ITPRIP: variants seen among roughly 807,000 people sequenced by gnomAD.
The protein encoded by ITPRIP is inositol 1,4,5-trisphosphate receptor interacting protein.
In ITPRIP, 32 loss-of-function variants were observed where a neutral mutation model predicts 35.8. The ratio of observed to expected loss-of-function variants is 0.89; its 90% confidence interval spans 0.68 to 1.20. ITPRIP has a LOEUF of 1.20. Ranked by LOEUF, ITPRIP falls within the 50% of genes most tolerant of loss-of-function variation. The pLI, the probability that ITPRIP is intolerant of heterozygous loss-of-function variation, is 0.00. For missense variants in ITPRIP, 653 were observed against 735.6 expected, an observed-to-expected ratio of 0.89 and a Z score of 1.30; for synonymous variants, 358 against 324.0, an observed-to-expected ratio of 1.11 and a Z score of -1.13.
intron 1 of ITPRIP, among the ~76,000 whole-genome samples, chr10:104,317,475 G>A (rs937471173): frequency 2.0e-5 from 3 of 152,130 alleles, no homozygotes; most frequent in Non-Finnish European, 4.4e-5. Flanking sequence ...AAATCTGAGA[G>A]GCACTGTCTT....
intron 1 of ITPRIP, among the ~76,000 whole-genome samples, chr10:104,323,144 C>T (rs961154071): frequency 6.6e-6 from 1 of 152,140 alleles, no homozygotes; most frequent in Non-Finnish European, 1.5e-5. Flanking sequence ...GGTATCATCC[C>T]GTGGACCCTC....
At position 104,312,720 on chromosome 10, in the gene ITPRIP, G is replaced by A; in HGVS notation, c.*1688C>T. The A allele has an allele frequency of 6.1e-6, 6 of 985,338 alleles. No homozygotes were observed. Among genetic ancestry groups the A allele is most frequent in the Non-Finnish European group, 7.2e-6 (6 of 829,918 alleles). 61.0% of individuals were successfully genotyped at this position (985,338 alleles called of 1,614,324 possible). On this transcript the variant is annotated 3_prime_UTR_variant, in exon 2 of 2. Transcript: ENST00000337478. ...CAGGAATTAACCCTGGTGGGCAAAG[G>A]GTCCATCTTCTCAAGCTTTCTGAGG... is the stretch of plus-strand genomic sequence containing the variant.
intron 1 of ITPRIP, chr10:104,329,036 C>A (rs915361148): frequency 7.4e-6 from 1 of 134,588 alleles, no homozygotes; most frequent in African/African-American, 3.4e-5. Context: ...GGGCCTCCTG[C>A]ACGCATGCAC....
chr10:104,324,339 G>C (rs1037468700), intron 1 of ITPRIP, among the ~76,000 whole-genome samples: 1 of 152,212 alleles, frequency 6.6e-6, no homozygotes, highest in African/African-American at 2.4e-5. Context: ...GGAATATAGA[G>C]GGGCAGGTGA....
At position 104,314,960 on chromosome 10, in the gene ITPRIP, G is replaced by A. The variant is rs780904457; in HGVS notation, c.1092C>T (p.His364=). 10 of 1,613,850 alleles carry A rather than the reference G, an allele frequency of 6.2e-6. No homozygotes were observed. Among genetic ancestry groups the A allele is most frequent in the Non-Finnish European group, 6.8e-6 (8 of 1,180,024 alleles). ...TGCCCTCAGAGGGCTCCCTGGGAAG[G>A]TGGGAGACAAAGTACAGGTCCGAGT... The part of the protein sequence containing the change: ...CDDSDLYFVS[H]LPREPSEGTP... The change falls in exon 2 of 2, where the codon CAC becomes CAT. Residue 364 remains histidine, a synonymous_variant. Coordinates refer to ENST00000337478, the MANE Select transcript of ITPRIP (RefSeq NM_001272013.2).
At chr10:104,336,493 TTGGG>T (rs1310480244) in intron 1 of ITPRIP, among the ~76,000 whole-genome samples, 55 of 108,118 alleles carry the variant, frequency 5.1e-4, no homozygotes, top group African/African-American at 2.3e-3. Flanking sequence ...TTATTTTTTT[TTGGG>T]GGGGGGGGGG....
In ITPRIP at chr10:104,313,587, G is replaced by C. The variant is rs1000486442; in HGVS notation, c.*821C>G. On this transcript the variant is annotated 3_prime_UTR_variant, in exon 2 of 2. Coordinates refer to ENST00000337478, the MANE Select transcript of ITPRIP (RefSeq NM_001272013.2). ...ATGATAGTCAGAAAGACCAGCTTTG[G>C]AGAGAATAAAGAGAGGTGGGGGGCT... 1.3e-5 allele frequency: 13 copies of C among 985,358 alleles called. No homozygotes were observed. In the South Asian group the frequency reaches 4.2e-4, roughly 32 times the overall value. 61.0% of individuals were successfully genotyped at this position (985,358 alleles called of 1,614,324 possible).
At chr10:104,316,462 A>G (rs2013694111) in intron 1 of ITPRIP, among the ~76,000 whole-genome samples, 1 of 152,176 alleles carries the variant, frequency 6.6e-6, no homozygotes, top group Non-Finnish European at 1.5e-5. Context: ...TGGGATGAGC[A>G]TTTGATCCAA....
rs975281509 is a variant in ITPRIP, at chr10:104,310,391, C to G, written c.*4017G>C. On this transcript the variant is annotated 3_prime_UTR_variant, in exon 2 of 2. Transcript: ENST00000337478. ...AAAACCCGCCAATGGCCCACCTCTG[C>G]TTGTTGTGAGGTCCAAATTTACCTT... The G allele has an allele frequency of 3.9e-5, 6 of 152,136 alleles. No individual in the cohort carries two copies. Among genetic ancestry groups the G allele is most frequent in the Admixed American group, 3.9e-4 (6 of 15,262 alleles). 9.4% of individuals were successfully genotyped at this position (152,136 alleles called of 1,614,324 possible).
intron 1 of ITPRIP, among the ~76,000 whole-genome samples, chr10:104,335,083 C>T (rs2014212157): frequency 6.6e-6 from 1 of 152,196 alleles, no homozygotes; most frequent in African/African-American, 2.4e-5. Flanking sequence ...GTAAACACCA[C>T]CCTCTGAGCA....
chr10:104,321,967 C>T (rs1210465589), intron 1 of ITPRIP, among the ~76,000 whole-genome samples: 1 of 152,114 alleles, frequency 6.6e-6, no homozygotes, highest in African/African-American at 2.4e-5. Flanking sequence ...ATGAGTATGG[C>T]CTGACCCCTG....
intron 1 of ITPRIP, among the ~76,000 whole-genome samples, chr10:104,331,112 C>T (rs2014138042): frequency 1.3e-5 from 2 of 152,116 alleles, no homozygotes; most frequent in Admixed American, 6.5e-5. Context: ...AATGGAAAGC[C>T]TTCTCTGCAA....
intron 1 of ITPRIP, among the ~76,000 whole-genome samples, chr10:104,332,192 A>G (rs1237400209): frequency 6.6e-6 from 1 of 152,122 alleles, no homozygotes; most frequent in Non-Finnish European, 1.5e-5. Flanking sequence ...AACCCCTAGA[A>G]TGGGGCTTTG....
intron 1 of ITPRIP, among the ~76,000 whole-genome samples, chr10:104,322,098 G>C (rs1048046874): frequency 1.1e-4 from 16 of 152,172 alleles, no homozygotes; most frequent in African/African-American, 3.4e-4. Context: ...ATGCAGAGGA[G>C]GGAGGGAGCT....
At chr10:104,327,190 C>G (rs761146319) in intron 1 of ITPRIP, among the ~76,000 whole-genome samples, 1 of 152,072 alleles carries the variant, frequency 6.6e-6, no homozygotes, top group South Asian at 2.1e-4. Context: ...GGGGATTCCA[C>G]GTGAGATGGA....
In ITPRIP at chr10:104,333,517, A is replaced by G. The variant is rs1564867740; in HGVS notation, c.-14+4729T>C. The G allele has an allele frequency of 6.6e-6, 1 of 151,986 alleles. No homozygotes were observed. The highest frequency in any genetic ancestry group is 1.5e-5 in the Non-Finnish European group (1 of 68,040). 9.4% of individuals were successfully genotyped at this position (151,986 alleles called of 1,614,324 possible). A position where few individuals can be genotyped will look rare whatever the true frequency, so the allele number is the denominator to read the frequency against. ...GGTGGGCCTAACAGATAGAGGGGGG[A>G]TGTGCTCTCTGTGGGGAAACGTCAC... On this transcript the variant is annotated intron_variant, in intron 1 of 1. Transcript: ENST00000337478. The surrounding 1 kb of genome is among the most constrained non-coding windows in gnomAD (Gnocchi z 4.1).
At chr10:104,321,943 C>T (rs190620050) in intron 1 of ITPRIP, among the ~76,000 whole-genome samples, 3 of 152,208 alleles carry the variant, frequency 2.0e-5, no homozygotes, top group African/African-American at 4.8e-5. Flanking sequence ...ATGGATGCTT[C>T]AGGGCCTGCA....
In ITPRIP at chr10:104,334,375, A is replaced by G. The variant is rs111805386; in HGVS notation, c.-14+3871T>C. ...ATTGGGGACCACGTGTCTTTGCTCTATGCTTGGCTTTCTATTGATCCATCC... is the reference window on the plus strand; with the variant it reads ...ATTGGGGACCACGTGTCTTTGCTCTGTGCTTGGCTTTCTATTGATCCATCC... On this transcript the variant is annotated intron_variant, in intron 1 of 1. Transcript: ENST00000337478. Among the ~76,000 whole-genome samples the G allele has an allele frequency of 8.3e-4, 126 of 152,274 alleles. 1 individual carries two copies. Among genetic ancestry groups the G allele is most frequent in the African/African-American group, 2.9e-3 (122 of 41,556 alleles).
Position 104,314,255 on chromosome 10 carries a change from C to T in ITPRIP, c.*153G>A, listed in dbSNP as rs980368742. On this transcript the variant is annotated 3_prime_UTR_variant, in exon 2 of 2. Transcript: ENST00000337478. ...GCTTCCCGTTGAAATTCTGTTTCCT[C>T]TGCACTGTAGGGCTTGGCTTCCTGG... The T allele has an allele frequency of 2.7e-6, 4 of 1,471,732 alleles. No homozygotes were observed. Among genetic ancestry groups the T allele is most frequent in the Non-Finnish European group, 2.7e-6 (3 of 1,115,170 alleles). 91.2% of individuals were successfully genotyped at this position (1,471,732 alleles called of 1,614,324 possible).
Sources: gnomAD v4.1 joint callset for allele counts (sites outside exome capture counted in the v4.1 genomes callset) on GRCh38, gnomAD v4.1.1 for gene constraint, Gnocchi (gnomAD v3.1) non-coding constraint, MANE v1.5 for transcripts, NCBI Gene and HGNC (gene_info 2026-07-23, HGNC 2026-07-21) for gene names.